RNF2: variants seen among roughly 807,000 people sequenced by gnomAD.
RNF2 encodes E3 ubiquitin-protein ligase RING2.
RNF2 carries 6 observed loss-of-function variants against 37.2 expected under a neutral mutation model. The ratio of observed to expected loss-of-function variants is 0.16; its 90% CI spans 0.09 to 0.32. The LOEUF is 0.32. Among genes scored for constraint, RNF2 ranks in the 10% least tolerant of loss-of-function variants. RNF2 has a pLI of 1.00. For synonymous variants in RNF2, 133 were observed against 132.7 expected (o/e 1.00, Z -0.02); for missense variants, 251 against 404.0 (o/e 0.62, Z 3.25).
At chr1:185,069,104 C>CAA (rs1650888473) in intron 1 of RNF2, among the ~76,000 whole-genome samples, 1 of 152,156 alleles carries the variant, frequency 6.6e-6, no homozygotes, top group Non-Finnish European at 1.5e-5. Flanking sequence ...AGTGTAAGCT[C>CAA]TTTTGCCTGT....
At chr1:185,096,279 C>T (rs540508023) in intron 4 of RNF2, among the ~76,000 whole-genome samples, 4 of 152,186 alleles carry the variant, frequency 2.6e-5, no homozygotes, top group Non-Finnish European at 4.4e-5. Flanking sequence ...ACAGAATTTT[C>T]CATCTTAACC....
Position 185,098,230 on chromosome 1 carries a change from A to G in RNF2, c.623A>G (p.Asp208Gly). The G allele has an allele frequency of 6.2e-7, 1 of 1,614,226 alleles. No individual in the cohort carries two copies. Among genetic ancestry groups the G allele is most frequent in the Non-Finnish European group, 8.5e-7 (1 of 1,180,026 alleles). ...KTSDDSGLEL[D>G]NNNAAMAIDP... Reference sequence around the variant, plus strand: ...TCTGATGATTCTGGGCTAGAGCTTGATAATAACAATGCAGCAATGGCAATT... The same window carrying G: ...TCTGATGATTCTGGGCTAGAGCTTGGTAATAACAATGCAGCAATGGCAATT... The change falls in exon 5 of 7, where the codon GAT (aspartate) becomes GGT (glycine). Residue 208 changes from aspartate to glycine, a missense_variant. Asp to Gly is a moderately conservative substitution (Grantham distance 94). Coordinates refer to ENST00000367510, the MANE Select transcript of RNF2 (RefSeq NM_007212.4).
At chr1:185,085,428 G>A (rs1001419064) in intron 1 of RNF2, among the ~76,000 whole-genome samples, 1 of 151,636 alleles carries the variant, frequency 6.6e-6, no homozygotes, top group East Asian at 1.9e-4. Context: ...GAGCCACCGC[G>A]CCCGGCCTGA....
chr1:185,074,222 A>G (rs114206837), intron 1 of RNF2, among the ~76,000 whole-genome samples: 4 of 152,284 alleles, frequency 2.6e-5, no homozygotes, highest in African/African-American at 9.6e-5. Flanking sequence ...TGGCACCCTG[A>G]CCTTCCACGA....
chr1:185,085,122 A>G (rs949463598), intron 1 of RNF2, among the ~76,000 whole-genome samples: 10 of 148,832 alleles, frequency 6.7e-5, no homozygotes, highest in African/African-American at 7.5e-5. Context: ...TCTCAGAGCC[A>G]TATTTGACCC....
intron 1 of RNF2, among the ~76,000 whole-genome samples, chr1:185,083,577 CT>C (rs1433895504): frequency 8.5e-5 from 13 of 152,214 alleles, no homozygotes; most frequent in Admixed American, 5.2e-4. Context: ...CTGCCTCAGA[CT>C]TTTGAGTAGC....
chr1:185,066,580 C>G lies in RNF2; in HGVS notation c.-3+20931C>G, dbSNP rs760126676. ...GTTCAAGGATTGTCTGCCTCAGTAG[C>G]CAATACATTGTTAGAGGTTCTCATT... On this transcript the variant is annotated intron_variant, in intron 1 of 6. Coordinates refer to ENST00000367510, the MANE Select transcript of RNF2 (RefSeq NM_007212.4). Among the ~76,000 whole-genome samples the G allele has an allele frequency of 5.5e-4, 84 of 152,148 alleles. 1 individual carries two copies. The highest frequency in any genetic ancestry group is 5.9e-4 in the Non-Finnish European group (40 of 68,034).
chr1:185,101,725 T>C lies in RNF2; in HGVS notation c.*1424T>C, dbSNP rs779759522. The C allele has an allele frequency of 2.0e-5, 3 of 152,212 alleles. No homozygotes were observed. The allele number at this position is 152,212 out of a possible 1,614,324, so 9.4% of individuals were successfully genotyped here. ...TATTTATCTGTCAGTTTTGACAGAT[T>C]GGGGCCAGCTTGATGTTTTAAATCT... On this transcript the variant is annotated 3_prime_UTR_variant, in exon 7 of 7. Coordinates refer to ENST00000367510, the MANE Select transcript of RNF2 (RefSeq NM_007212.4).
chr1:185,045,990 T>TC (rs1274214451), intron 1 of RNF2: 1 of 149,870 alleles, frequency 6.7e-6, no homozygotes, highest in African/African-American at 2.5e-5. Context: ...TGCGGCGCGG[T>TC]CCCCTCGCCT....
chr1:185,064,965 G>C (rs1026068993), intron 1 of RNF2, among the ~76,000 whole-genome samples: 3 of 151,826 alleles, frequency 2.0e-5, no homozygotes, highest in African/African-American at 7.3e-5. Context: ...TTACAGTTTT[G>C]TGTGTATGTG....
At chr1:185,074,982 C>T (rs115284030) in intron 1 of RNF2, among the ~76,000 whole-genome samples, 2,004 of 151,232 alleles carry the variant, frequency 0.013, 35 homozygotes, top group African/African-American at 0.046. Context: ...TATATAGTTC[C>T]GTGTGTGTGT....
chr1:185,064,331 A>G (rs1224993772), intron 1 of RNF2, among the ~76,000 whole-genome samples: 1 of 152,188 alleles, frequency 6.6e-6, no homozygotes, highest in Non-Finnish European at 1.5e-5. Context: ...TTTATTCTTC[A>G]TAGAATCCTA....
At chr1:185,076,984 A>G (rs574898250) in intron 1 of RNF2, among the ~76,000 whole-genome samples, 1 of 152,056 alleles carries the variant, frequency 6.6e-6, no homozygotes, top group Non-Finnish European at 1.5e-5. Flanking sequence ...GATCCTCTTT[A>G]ATATACTTCA....
intron 1 of RNF2, among the ~76,000 whole-genome samples, chr1:185,067,761 A>G (rs1571303739): frequency 7.6e-6 from 1 of 130,782 alleles, no homozygotes; most frequent in Non-Finnish European, 1.5e-5. Context: ...CCCAGGCTGG[A>G]GTGCAGTGAT....
At chr1:185,089,892 C>T (rs71634128) in intron 2 of RNF2, among the ~76,000 whole-genome samples, 1 of 151,106 alleles carries the variant, frequency 6.6e-6, no homozygotes, top group Admixed American at 6.6e-5. Flanking sequence ...TTAGCCAGGC[C>T]TGGTGGTGCA....
intron 1 of RNF2, 50 bp from the exon 2 acceptor site, chr1:185,087,502 C>T: frequency 6.8e-7 from 1 of 1,462,300 alleles, no homozygotes; most frequent in Non-Finnish European, 9.6e-7. Context: ...CAGACCATAG[C>T]ACTTCCCTTC....
Position 185,098,249 on chromosome 1 carries a change from G to A in RNF2, c.642G>A (p.Met214Ile). The A allele has an allele frequency of 6.2e-7, 1 of 1,614,132 alleles. No individual in the cohort carries two copies. Among genetic ancestry groups the A allele is most frequent in the Non-Finnish European group, 8.5e-7 (1 of 1,180,022 alleles). Residue 214 changes from methionine to isoleucine, a missense_variant, in exon 5 of 7, where the codon ATG becomes ATA. By Grantham distance (10) the Met-to-Ile change is conservative. Coordinates refer to ENST00000367510, the MANE Select transcript of RNF2 (RefSeq NM_007212.4). ...GLELDNNNAA[M>I]AIDPVMDGAS... ...AGCTTGATAATAACAATGCAGCAAT[G>A]GCAATTGATCCAGTAATGGATGGTG...
At chr1:185,077,625 G>GGTTTTTTTTTTTTTT (rs1553241127) in intron 1 of RNF2, among the ~76,000 whole-genome samples, 4 of 115,696 alleles carry the variant, frequency 3.5e-5, no homozygotes, top group African/African-American at 1.3e-4. Flanking sequence ...AATTAACTTT[G>GGTTTTTTTTTTTTTT]TTTTTTTTTT....
At chr1:185,090,263 T>C (rs1287029500) in intron 2 of RNF2, among the ~76,000 whole-genome samples, 1 of 152,158 alleles carries the variant, frequency 6.6e-6, no homozygotes, top group Non-Finnish European at 1.5e-5. Context: ...GTTTTCCCTT[T>C]TTCTTTTCCC....
Sources: gnomAD v4.1 joint callset for allele counts (sites outside exome capture counted in the v4.1 genomes callset) on GRCh38, gnomAD v4.1.1 for gene constraint, MANE v1.5 for transcripts, NCBI Gene and HGNC (gene_info 2026-07-23, HGNC 2026-07-21) for gene names.